ADAMTS2: variants seen among roughly 807,000 people sequenced by gnomAD.
ADAMTS2 encodes ADAM metallopeptidase with thrombospondin type 1 motif 2, also known as A disintegrin and metalloproteinase with thrombospondin motifs 2.
Under a neutral mutation model 123.0 loss-of-function variants are expected in ADAMTS2, and 50 were observed. The ratio of observed to expected loss-of-function variants is 0.41; its 90% confidence interval spans 0.32 to 0.51. The LOEUF (loss-of-function observed/expected upper bound fraction) is 0.51. Among genes scored for constraint, ADAMTS2 ranks in the 20% least tolerant of loss-of-function variants. The probability of loss-of-function intolerance (pLI) is 0.35; values close to 1 mark genes in which losing one functional copy is unlikely to be tolerated. For missense variants in ADAMTS2, 1,494 were observed against 1,705.2 expected, an observed-to-expected ratio of 0.88 and a Z score of 2.18; for synonymous variants, 678 against 695.4, an observed-to-expected ratio of 0.98 and a Z score of 0.39.
chr5:179,148,886 T>A (rs1351472957), intron 10 of ADAMTS2, among the ~76,000 whole-genome samples: 2 of 152,092 alleles, frequency 1.3e-5, no homozygotes, highest in African/African-American at 4.8e-5. Context: ...GCTCCTCCCA[T>A]CAGGCTGGGC....
chr5:179,239,516 T>G (rs368109302), intron 3 of ADAMTS2, among the ~76,000 whole-genome samples: 1 of 152,042 alleles, frequency 6.6e-6, no homozygotes, highest in South Asian at 2.1e-4. Flanking sequence ...AACTTGGATT[T>G]GAAGAGTGCA....
At position 179,153,711 on chromosome 5, in the gene ADAMTS2, G is replaced by A. The variant is rs1287642595; in HGVS notation, c.1383-88C>T. On this transcript the variant is annotated intron_variant, in intron 8 of 21. Transcript: ENST00000251582. ...GGCAGCTGAGGCCCCTGCTGGAGCT[G>A]CCATGGCAGCCCTACCTGCACATCC... The A allele has an allele frequency of 2.7e-6, 4 of 1,502,272 alleles. No homozygotes were observed. The African/African-American group carries it at 4.1e-5, about 15-fold the overall frequency. 93.1% of individuals were successfully genotyped at this position (1,502,272 alleles called of 1,614,324 possible). A position where few individuals can be genotyped will look rare whatever the true frequency, so the allele number is the denominator to read the frequency against.
intron 3 of ADAMTS2, among the ~76,000 whole-genome samples, chr5:179,229,663 A>T (rs72818672): frequency 0.21 from 32,536 of 152,188 alleles, 3,643 homozygotes; most frequent in East Asian, 0.35. Context: ...CTCTGCAGCC[A>T]TTCTTGAAAT....
intron 19 of ADAMTS2, among the ~76,000 whole-genome samples, chr5:179,123,139 G>A (rs866416379): frequency 1.3e-5 from 2 of 152,342 alleles, no homozygotes; most frequent in Non-Finnish European, 1.5e-5. Context: ...TGGGGCACTG[G>A]GAAAGCTCTG....
chr5:179,216,437 T>C (rs542241522), intron 3 of ADAMTS2, among the ~76,000 whole-genome samples: 1 of 149,990 alleles, frequency 6.7e-6, no homozygotes, highest in Middle Eastern at 3.4e-3. Context: ...CACCGAGAGC[T>C]GGAGGCAGGC....
intron 3 of ADAMTS2, among the ~76,000 whole-genome samples, chr5:179,246,453 A>G (rs1765803307): frequency 6.6e-6 from 1 of 152,182 alleles, no homozygotes; most frequent in Admixed American, 6.5e-5. Context: ...CACAATAAAC[A>G]TATCTAAAGG....
chr5:179,139,926 C>G lies in ADAMTS2; in HGVS notation c.1739G>C (p.Gly580Ala), dbSNP rs1171012655. The G allele has an allele frequency of 3.7e-6, 6 of 1,612,440 alleles. No individual in the cohort carries two copies. The highest frequency in any genetic ancestry group is 5.1e-6 in the Non-Finnish European group (6 of 1,180,002). The change falls in exon 11 of 22, where the codon GGC becomes GCC. Residue 580 changes from glycine (G) to alanine (A), a missense_variant. Physicochemically the swap from Gly to Ala is moderately conservative, Grantham distance 60. Coordinates refer to ENST00000251582, the MANE Select transcript of ADAMTS2 (RefSeq NM_014244.5). ...FGSCSRTCGTGVKFRTRQCDN... is the reference protein window; with the variant it reads ...FGSCSRTCGTAVKFRTRQCDN... ...ACACTGGCGGGTCCTGAACTTCACG[C>G]CCGTGCCACAGGTACGTGAGCAGGA...
In ADAMTS2 at chr5:179,132,223, G is replaced by C; in HGVS notation, c.2290+7C>G. ...AGGACGTCAAGTTGTCCGGCTCTGA[G>C]ACTCACCCAGATGGTGGCTGGTGGC... On this transcript the variant is annotated splice_region_variant and intron_variant, in intron 15 of 21. Coordinates refer to ENST00000251582, the MANE Select transcript of ADAMTS2 (RefSeq NM_014244.5). This position sits in a 1 kb window ranked among gnomAD's most constrained non-coding sequence, Gnocchi z 6.1. 1 of 1,613,802 alleles carries C rather than the reference G, an allele frequency of 6.2e-7. No homozygotes were observed. Among genetic ancestry groups the C allele is most frequent in the Non-Finnish European group, 8.5e-7 (1 of 1,179,922 alleles).
At chr5:179,135,142 GCTCCAGCCCCCAGCTCCCGA>G (rs1330771868) in intron 13 of ADAMTS2, among the ~76,000 whole-genome samples, 9 of 121,974 alleles carry the variant, frequency 7.4e-5, no homozygotes, top group African/African-American at 9.2e-5. Context: ...CCAGCTCCCG[GCTCCAGCCCCCAGCTCCCGA>G]CTCCAGCTCC....
chr5:179,164,407 G>T (rs1227667742), intron 5 of ADAMTS2, among the ~76,000 whole-genome samples: 1 of 152,230 alleles, frequency 6.6e-6, no homozygotes, highest in Non-Finnish European at 1.5e-5. Flanking sequence ...GATGCATGCA[G>T]GTGTGGCTGG....
At position 179,111,127 on chromosome 5, in the gene ADAMTS2, A is replaced by G. The variant is rs1288477233; in HGVS notation, c.*2740T>C. ...TAAAATACAAATGAAAGCCTTATAC[A>G]TGAAATTCCATGGGTTTTCCAAAAG... On this transcript the variant is annotated 3_prime_UTR_variant, in exon 22 of 22. Coordinates refer to ENST00000251582, the MANE Select transcript of ADAMTS2 (RefSeq NM_014244.5). 1.3e-5 allele frequency: 2 copies of G among 152,234 alleles called. No homozygotes were observed. The highest frequency in any genetic ancestry group is 4.8e-5 in the African/African-American group (2 of 41,468). The allele number at this position is 152,234 out of a possible 1,614,324, so 9.4% of individuals were successfully genotyped here. A position where few individuals can be genotyped will look rare whatever the true frequency, so the allele number is the denominator to read the frequency against.
intron 3 of ADAMTS2, among the ~76,000 whole-genome samples, chr5:179,246,926 G>C (rs953491959): frequency 2.8e-4 from 42 of 151,982 alleles, no homozygotes; most frequent in South Asian, 2.1e-4. Context: ...GGAAGTGGGG[G>C]GCATCTGATT....
chr5:179,335,231 G>A (rs904814943), intron 2 of ADAMTS2, among the ~76,000 whole-genome samples: 4 of 152,048 alleles, frequency 2.6e-5, no homozygotes, highest in Non-Finnish European at 5.9e-5. Context: ...AAAGACACAG[G>A]TGAAATTAAT....
At chr5:179,264,055 T>G (rs1047891595) in intron 3 of ADAMTS2, among the ~76,000 whole-genome samples, 7 of 152,136 alleles carry the variant, frequency 4.6e-5, no homozygotes, top group African/African-American at 1.7e-4. Context: ...CGGACCCAAA[T>G]GCAGTTTCTG....
chr5:179,248,795 A>G (rs1334843929), intron 3 of ADAMTS2, among the ~76,000 whole-genome samples: 1 of 152,190 alleles, frequency 6.6e-6, no homozygotes, highest in East Asian at 1.9e-4. Context: ...TAATAGCTGA[A>G]GACTTCAATA....
intron 2 of ADAMTS2, among the ~76,000 whole-genome samples, chr5:179,294,339 C>T (rs1756272878): frequency 6.6e-6 from 1 of 152,334 alleles, no homozygotes; most frequent in African/African-American, 2.4e-5. Context: ...CCCAGAAACA[C>T]GTCCAGCCAG....
intron 3 of ADAMTS2, among the ~76,000 whole-genome samples, chr5:179,211,274 G>A (rs1005476389): frequency 6.6e-5 from 10 of 152,340 alleles, no homozygotes; most frequent in South Asian, 6.2e-4. Context: ...AGTGATCAGC[G>A]CACCCATCTC....
At chr5:179,306,353 G>A (rs1756673376) in intron 2 of ADAMTS2, among the ~76,000 whole-genome samples, 2 of 151,916 alleles carry the variant, frequency 1.3e-5, no homozygotes, top group Admixed American at 6.5e-5. Context: ...ACAGACTGAA[G>A]AAGGAAAAAA....
chr5:179,271,544 A>G (rs62394998), intron 3 of ADAMTS2, among the ~76,000 whole-genome samples: 62,330 of 152,050 alleles, frequency 0.41, 14,520 homozygotes, highest in Admixed American at 0.5. Context: ...TGGCCCTCCT[A>G]GATTACTCCT....
Sources: allele counts gnomAD v4.1 joint callset (sites outside exome capture counted in the v4.1 genomes callset), GRCh38; gene constraint gnomAD v4.1.1; non-coding constraint Gnocchi (gnomAD v3.1); transcripts MANE v1.5; gene names NCBI Gene and HGNC (gene_info 2026-07-23, HGNC 2026-07-21).